The following FBXO31 variants were observed in gnomAD, a reference collection of about 807,000 sequenced individuals.
FBXO31 encodes the protein F-box protein 31.
FBXO31 carries 24 observed loss-of-function variants against 54.4 expected under a neutral mutation model. The observed-to-expected ratio is 0.44, with a 90% CI of 0.32 to 0.62. The LOEUF (loss-of-function observed/expected upper bound fraction) is 0.62, where lower values mean the gene tolerates loss of function less well. Ranked by LOEUF, FBXO31 falls within the 20% of genes least tolerant of loss-of-function variation. The pLI, the probability that FBXO31 is intolerant of heterozygous loss-of-function variation, is 0.05. For synonymous variants in FBXO31, 388 were observed against 335.6 expected, an observed-to-expected ratio of 1.16 and a Z score of -1.71; for missense variants, 665 against 787.1, an observed-to-expected ratio of 0.84 and a Z score of 1.86.
At chr16:87,382,611 C>T (rs767079906) in intron 1 of FBXO31, among the ~76,000 whole-genome samples, 22 of 152,282 alleles carry the variant, frequency 1.4e-4, no homozygotes, top group Non-Finnish European at 2.8e-4. Flanking sequence ...CGACACTGGG[C>T]TTCCCCTACT....
Position 87,335,560 on chromosome 16 carries a change from G to GGGGTGGGGGGGC in FBXO31, c.843-104_843-103insGCCCCCCCACCC. ...AGCTTTGCAGGGCGGGGTAGGGCGG[G>GGGGTGGGGGGGC]CAGCTCAGCTCAACCAGGGCCAGGT... On this transcript the variant is annotated intron_variant, in intron 6 of 8. Coordinates refer to ENST00000311635, the MANE Select transcript of FBXO31 (RefSeq NM_024735.5). This position sits in a 1 kb window ranked among gnomAD's most constrained non-coding sequence, Gnocchi z 5.7. The GGGGTGGGGGGGC allele has an allele frequency of 2.3e-6, 1 of 441,984 alleles. No homozygotes were observed. The highest frequency in any genetic ancestry group is 6.5e-5 in the East Asian group (1 of 15,482). The allele number at this position is 441,984 out of a possible 1,614,324, so 27.4% of individuals were successfully genotyped here. A position where few individuals can be genotyped will look rare whatever the true frequency, so the allele number is the denominator to read the frequency against.
At chr16:87,332,776 G>A (rs940433055) in intron 8 of FBXO31, among the ~76,000 whole-genome samples, 3 of 144,712 alleles carry the variant, frequency 2.1e-5, no homozygotes, top group Non-Finnish European at 4.5e-5. Flanking sequence ...CCTTCCCTCC[G>A]TGACAGGAAG....
chr16:87,366,572 T>C (rs1211570126), intron 1 of FBXO31, among the ~76,000 whole-genome samples: 1 of 152,046 alleles, frequency 6.6e-6, no homozygotes, highest in Non-Finnish European at 1.5e-5. Flanking sequence ...AAGGGAGGCA[T>C]GCAGGGGTCA....
chr16:87,340,643 G>A (rs538328064), intron 5 of FBXO31, among the ~76,000 whole-genome samples: 1 of 152,190 alleles, frequency 6.6e-6, no homozygotes, highest in East Asian at 1.9e-4. Context: ...AAAGAAAGAT[G>A]GATACATCTG....
At chr16:87,340,808 A>G (rs1905170637) in intron 5 of FBXO31, among the ~76,000 whole-genome samples, 1 of 152,202 alleles carries the variant, frequency 6.6e-6, no homozygotes, top group Non-Finnish European at 1.5e-5. Flanking sequence ...AATTAACATT[A>G]AAAATAAAAA....
At chr16:87,386,120 G>A (rs1907319886), upstream of FBXO31, 1 of 146,184 alleles carries the variant, frequency 6.8e-6, no homozygotes, top group South Asian at 2.1e-4. Flanking sequence ...TGGTGAGAAG[G>A]AGCATCACTT....
At chr16:87,381,023 C>G (rs1907053668) in intron 1 of FBXO31, among the ~76,000 whole-genome samples, 1 of 152,202 alleles carries the variant, frequency 6.6e-6, no homozygotes, top group African/African-American at 2.4e-5. Context: ...GTCTGGCCGC[C>G]TAATGGAGAA....
chr16:87,342,698 T>A (rs374946149), intron 5 of FBXO31, among the ~76,000 whole-genome samples, 179 bp downstream of exon 5: 1 of 152,224 alleles, frequency 6.6e-6, no homozygotes, highest in Non-Finnish European at 1.5e-5. Flanking sequence ...GCCCGCACGA[T>A]GCTGTTCCTC....
chr16:87,337,491 CGA>C (rs1008541272), intron 5 of FBXO31, among the ~76,000 whole-genome samples: 1 of 152,162 alleles, frequency 6.6e-6, no homozygotes, highest in African/African-American at 2.4e-5. Flanking sequence ...ATCAGGAAAA[CGA>C]AGAGCAAACG....
chr16:87,380,193 G>A (rs1048569474), intron 1 of FBXO31, among the ~76,000 whole-genome samples: 2 of 148,134 alleles, frequency 1.4e-5, no homozygotes, highest in Admixed American at 6.8e-5. Context: ...AGCTACTTAA[G>A]AGGCTGAGGC....
In FBXO31 at chr16:87,331,066, T is replaced by C; in HGVS notation, c.*222A>G. ...TATTCAGGCTCGTTCTCTCTGTTTT[T>C]GGTAAGACATGCTCAGCTTCTTCCA... is the stretch of plus-strand genomic sequence containing the variant. On this transcript the variant is annotated 3_prime_UTR_variant, in exon 9 of 9. Transcript: ENST00000311635. 1 of 541,630 alleles carries C rather than the reference T, an allele frequency of 1.8e-6. No homozygotes were observed. The highest frequency in any genetic ancestry group is 3.3e-6 in the Non-Finnish European group (1 of 301,804). The allele number at this position is 541,630 out of a possible 1,614,324, so 33.6% of individuals were successfully genotyped here. A position where few individuals can be genotyped will look rare whatever the true frequency, so the allele number is the denominator to read the frequency against.
chr16:87,353,648 G>A (rs1033497404), intron 2 of FBXO31, among the ~76,000 whole-genome samples: 2 of 144,156 alleles, frequency 1.4e-5, no homozygotes, highest in African/African-American at 5.1e-5. Flanking sequence ...CCCGGACACC[G>A]TGTCTTGAAC....
At position 87,330,572 on chromosome 16, in the gene FBXO31, GGTGCATGGGCTGGGCT is replaced by G. The variant is rs1375632490; in HGVS notation, c.*700_*715del. 3.3e-5 allele frequency: 5 copies of G among 152,760 alleles called. No homozygotes were observed. The highest frequency in any genetic ancestry group is 1.2e-4 in the African/African-American group (5 of 41,454). 9.5% of individuals were successfully genotyped at this position (152,760 alleles called of 1,614,324 possible). ...CTCCAAAGCTGGAGGGGCTGGGGCA[GGTGCATGGGCTGGGCT>G]GTGCATTCAGGTGACATTCCCTAGT... is the stretch of plus-strand genomic sequence containing the variant. On this transcript the variant is annotated 3_prime_UTR_variant, in exon 9 of 9. Coordinates refer to ENST00000311635, the MANE Select transcript of FBXO31 (RefSeq NM_024735.5).
intron 1 of FBXO31, among the ~76,000 whole-genome samples, chr16:87,380,791 G>A (rs1380357390): frequency 6.6e-6 from 1 of 152,228 alleles, no homozygotes; most frequent in Non-Finnish European, 1.5e-5. Context: ...AGAAAGGATT[G>A]AAGGGTCCTA....
At chr16:87,372,226 G>A (rs1473913087) in intron 1 of FBXO31, among the ~76,000 whole-genome samples, 1 of 152,066 alleles carries the variant, frequency 6.6e-6, no homozygotes, top group Non-Finnish European at 1.5e-5. Context: ...AAAATGAAAT[G>A]CTCCCCTAAT....
upstream of FBXO31, chr16:87,383,890 C>T: frequency 1.9e-6 from 1 of 521,972 alleles, no homozygotes; most frequent in Non-Finnish European, 2.7e-6. This position sits in a 1 kb window ranked among gnomAD's most constrained non-coding sequence, Gnocchi z 4.9. Context: ...TCCGCCCCGG[C>T]CGCGCCACCC....
Position 87,336,717 on chromosome 16 carries a change from G to A in FBXO31, c.733-453C>T, listed in dbSNP as rs149074283. On this transcript the variant is annotated intron_variant, in intron 5 of 8. Transcript: ENST00000311635. This position sits in a 1 kb window ranked among gnomAD's most constrained non-coding sequence, Gnocchi z 6.5. Reference sequence around the variant, plus strand: ...AAGCCCTCACCACCAACCCTGAGCCGTGCGAGTCAGCCAAGGACGATGCAC... The same window carrying A: ...AAGCCCTCACCACCAACCCTGAGCCATGCGAGTCAGCCAAGGACGATGCAC... Among the ~76,000 whole-genome samples the A allele has an allele frequency of 9.5e-4, 144 of 152,298 alleles. No individual in the cohort carries two copies. Among genetic ancestry groups the A allele is most frequent in the African/African-American group, 3.2e-3 (131 of 41,568 alleles).
At chr16:87,373,278 T>C (rs1015980533) in intron 1 of FBXO31, among the ~76,000 whole-genome samples, 3 of 151,688 alleles carry the variant, frequency 2.0e-5, no homozygotes, top group Admixed American at 6.6e-5. Flanking sequence ...AGTGAAACCC[T>C]GTCTCTACTA....
chr16:87,381,866 A>C (rs1907093636), intron 1 of FBXO31, among the ~76,000 whole-genome samples: 1 of 152,184 alleles, frequency 6.6e-6, no homozygotes, highest in African/African-American at 2.4e-5. Flanking sequence ...TCTACTAAAA[A>C]TACAAAAATT....
Sources: allele counts gnomAD v4.1 joint callset (sites outside exome capture counted in the v4.1 genomes callset), GRCh38; gene constraint gnomAD v4.1.1; non-coding constraint Gnocchi (gnomAD v3.1); transcripts MANE v1.5; gene names NCBI Gene and HGNC (gene_info 2026-07-23, HGNC 2026-07-21).